The following KANK4 variants were observed in gnomAD, a reference collection of about 807,000 sequenced individuals.
KANK4 encodes KN motif and ankyrin repeat domains 4.
KANK4 carries 50 observed loss-of-function variants against 80.8 expected under a neutral mutation model. The ratio of observed to expected loss-of-function variants is 0.62; its 90% CI spans 0.49 to 0.78. The LOEUF is 0.78. Among genes scored for constraint, KANK4 ranks in the 30% least tolerant of loss-of-function variants. The pLI is 0.00. For synonymous variants in KANK4, 465 were observed against 506.9 expected (o/e 0.92, Z 1.11); for missense variants, 1,196 against 1,240.1 (o/e 0.96, Z 0.53).
chr1:62,314,733 T>G (rs925588964), intron 1 of KANK4, among the ~76,000 whole-genome samples: 5 of 152,086 alleles, frequency 3.3e-5, no homozygotes, highest in Admixed American at 1.3e-4. Context: ...CCAACAAGTT[T>G]TATTTACTTT....
chr1:62,308,881 G>A (rs760467959), intron 1 of KANK4, among the ~76,000 whole-genome samples: 1 of 152,142 alleles, frequency 6.6e-6, no homozygotes, highest in Non-Finnish European at 1.5e-5. Flanking sequence ...AAGCAGCTGG[G>A]GTGGAGGAGC....
chr1:62,249,732 G>A (rs1365294143), intron 8 of KANK4, among the ~76,000 whole-genome samples: 3 of 151,666 alleles, frequency 2.0e-5, no homozygotes, highest in Non-Finnish European at 4.4e-5. Context: ...TAGTAGAGAC[G>A]GGGTTTCACC....
chr1:62,307,098 C>A (rs1017670085), intron 1 of KANK4, among the ~76,000 whole-genome samples: 1 of 152,190 alleles, frequency 6.6e-6, no homozygotes, highest in African/African-American at 2.4e-5. Context: ...TGTCCTGGCC[C>A]CACCTTCACT....
At chr1:62,241,622 C>T (rs906399245) in intron 9 of KANK4, among the ~76,000 whole-genome samples, 1 of 152,186 alleles carries the variant, frequency 6.6e-6, no homozygotes, top group African/African-American at 2.4e-5. Flanking sequence ...GAATGCTGCA[C>T]AAGAACCTAA....
chr1:62,268,018 T>C (rs1201168096), intron 5 of KANK4, among the ~76,000 whole-genome samples: 2 of 152,148 alleles, frequency 1.3e-5, no homozygotes, highest in African/African-American at 2.4e-5. Flanking sequence ...GTATATAGGA[T>C]AATACTTGTA....
At chr1:62,290,055 C>T (rs34752481) in intron 1 of KANK4, among the ~76,000 whole-genome samples, 33,076 of 152,072 alleles carry the variant, frequency 0.22, 4,093 homozygotes, top group Middle Eastern at 0.36. Flanking sequence ...GGACAGAGTC[C>T]GGTACATAGT....
At chr1:62,316,416 G>C (rs955910025) in intron 1 of KANK4, among the ~76,000 whole-genome samples, 5 of 152,196 alleles carry the variant, frequency 3.3e-5, no homozygotes, top group Admixed American at 6.5e-5. Context: ...TAAAGTACCA[G>C]GAACGAAAAG....
At chr1:62,267,256 C>T (rs1021857658) in intron 5 of KANK4, among the ~76,000 whole-genome samples, 2 of 152,202 alleles carry the variant, frequency 1.3e-5, no homozygotes, top group African/African-American at 4.8e-5. Flanking sequence ...TCAGGTTATT[C>T]TTCCATGAAG....
At chr1:62,308,359 T>C (rs1571052018) in intron 1 of KANK4, among the ~76,000 whole-genome samples, 1 of 152,152 alleles carries the variant, frequency 6.6e-6, no homozygotes, top group African/African-American at 2.4e-5. Flanking sequence ...ATGTGCCTTC[T>C]GCAGTCAGGA....
At chr1:62,282,631 G>A (rs1222834826) in intron 1 of KANK4, among the ~76,000 whole-genome samples, 1 of 152,170 alleles carries the variant, frequency 6.6e-6, no homozygotes, top group African/African-American at 2.4e-5. Context: ...GAAGAGGGCT[G>A]GAAAAGATGA....
intron 9 of KANK4, among the ~76,000 whole-genome samples, 156 bp from the exon 10 acceptor site, chr1:62,238,537 T>A (rs1337928721): frequency 6.6e-6 from 1 of 151,986 alleles, no homozygotes; most frequent in Non-Finnish European, 1.5e-5. Context: ...GGCATGAGGA[T>A]CACCAGAAAT....
chr1:62,281,457 C>T, intron 2 of KANK4, 92 bp downstream of exon 2: 2 of 1,500,208 alleles, frequency 1.3e-6, no homozygotes, highest in South Asian at 2.3e-5. Flanking sequence ...TCCTGCAGGC[C>T]TTTCCTAGGC....
Position 62,294,121 on chromosome 1 carries a change from C to T in KANK4, c.-70-12487G>A, listed in dbSNP as rs555057841. Among the ~76,000 whole-genome samples, 195 of 152,268 alleles carry T rather than the reference C, an allele frequency of 1.3e-3. 1 individual carries two copies. The highest frequency in any genetic ancestry group is 4.5e-3 in the African/African-American group (186 of 41,562). On this transcript the variant is annotated intron_variant, in intron 1 of 9. Transcript: ENST00000371153. ...TTTAGGAGTTTCTGTTGATTGTTGT[C>T]CTGAGTATTTGCTGCATTACTTTGA...
At chr1:62,238,429 C>T in intron 9 of KANK4, 48 bp from the exon 10 acceptor site, 8 of 1,556,458 alleles carry the variant, frequency 5.1e-6, no homozygotes, top group Non-Finnish European at 7.1e-6. Flanking sequence ...CAATCTGCCT[C>T]CTGCCTGGGG....
At position 62,238,357 on chromosome 1, in the gene KANK4, C is replaced by G. The variant is rs141702470; in HGVS notation, c.2908G>C (p.Ala970Pro). Reference sequence around the variant, plus strand: ...TCCATATGGGTGGGTGACTTCAGAGCGATGGACAAAGCTGTGCGGCCAGCC... The same window carrying G: ...TCCATATGGGTGGGTGACTTCAGAGGGATGGACAAAGCTGTGCGGCCAGCC... Reference protein sequence around the residue: ...DKAGRTALSIALKSPTHMEIA... With the variant: ...DKAGRTALSIPLKSPTHMEIA... The change falls in exon 10 of 10, where the codon GCT (alanine) becomes CCT (proline). Residue 970 changes from alanine to proline, a missense_variant. By Grantham distance (27) the Ala-to-Pro change is conservative. Around this residue, in one of 3 missense-constraint regions of KANK4, gnomAD observed 1,154 missense variants for 1,179.6 expected, o/e 0.98. Transcript: ENST00000371153. 3.7e-6 allele frequency: 6 copies of G among 1,613,822 alleles called. No individual in the cohort carries two copies. Among genetic ancestry groups the G allele is most frequent in the Non-Finnish European group, 5.1e-6 (6 of 1,179,980 alleles).
chr1:62,309,097 T>C (rs1403732869), intron 1 of KANK4, among the ~76,000 whole-genome samples: 1 of 152,252 alleles, frequency 6.6e-6, no homozygotes, highest in Non-Finnish European at 1.5e-5. Flanking sequence ...GATGTGTGTA[T>C]GTCTCACCGT....
intron 1 of KANK4, among the ~76,000 whole-genome samples, chr1:62,291,870 G>T (rs539413203): frequency 1.3e-5 from 2 of 152,188 alleles, no homozygotes. Context: ...GCCTCCCAAA[G>T]TGCTGGAATT....
At chr1:62,307,343 G>A (rs77218123) in intron 1 of KANK4, among the ~76,000 whole-genome samples, 9,176 of 151,914 alleles carry the variant, frequency 0.06, 799 homozygotes, top group African/African-American at 0.2. Flanking sequence ...TTAGCCGGAC[G>A]TCGTGGTGCA....
rs200292056 is a variant in KANK4, at chr1:62,274,307, T to C, written c.797A>G (p.Asp266Gly). ...CTCTGCTTCTCTGGCATTGTGTTCATCTTCCTTGTCCTCTAGAACTACAAG... is the reference window on the plus strand; with the variant it reads ...CTCTGCTTCTCTGGCATTGTGTTCACCTTCCTTGTCCTCTAGAACTACAAG... ...NVLVVLEDKE[D>G]EHNAREAEVL... Residue 266 changes from aspartate to glycine, a missense_variant, in exon 3 of 10, where the codon GAT (aspartate) becomes GGT (glycine). Physicochemically the swap from Asp to Gly is moderately conservative, Grantham distance 94 (BLOSUM62 -1). Transcript: ENST00000371153. 6.6e-5 allele frequency: 106 copies of C among 1,614,054 alleles called. No individual in the cohort carries two copies. The Middle Eastern group carries it at 8.2e-4, about 13-fold the overall frequency.
Sources: gnomAD v4.1 joint callset for allele counts (sites outside exome capture counted in the v4.1 genomes callset) on GRCh38, gnomAD v4.1.1 for gene constraint, gnomAD v4.1.1 regional missense constraint, MANE v1.5 for transcripts, NCBI Gene and HGNC (gene_info 2026-07-23, HGNC 2026-07-21) for gene names.